Variants in ZGRF1 observed in about 807,000 individuals in gnomAD.
ZGRF1 encodes 5'-3' DNA helicase ZGRF1.
Under a neutral mutation model 203.5 loss-of-function variants are expected in ZGRF1, and 196 were observed. That is an observed-to-expected ratio of 0.96 (90% CI 0.86 to 1.08). The LOEUF (loss-of-function observed/expected upper bound fraction) is 1.08, where lower values mean the gene tolerates loss of function less well. Among genes scored for constraint, ZGRF1 ranks in the 50% least tolerant of loss-of-function variants. ZGRF1 has a pLI of 0.00. For missense variants in ZGRF1, 2,326 were observed against 2,416.3 expected, an observed-to-expected ratio of 0.96 and a Z score of 0.78; for synonymous variants, 809 against 841.3, an observed-to-expected ratio of 0.96 and a Z score of 0.66.
chr4:112,574,043 C>A (rs533910413), intron 16 of ZGRF1, among the ~76,000 whole-genome samples: 1 of 152,242 alleles, frequency 6.6e-6, no homozygotes, highest in African/African-American at 2.4e-5. Context: ...CTGATAGAGC[C>A]ACTTTGGAAA....
intron 18 of ZGRF1, chr4:112,561,305 G>C (rs1248486766): frequency 1.1e-5 from 3 of 278,542 alleles, no homozygotes; most frequent in African/African-American, 6.6e-5. Flanking sequence ...ACAGATACAA[G>C]AATATTGAAT....
At chr4:112,600,064 G>C (rs1396250931) in intron 10 of ZGRF1, among the ~76,000 whole-genome samples, 1 of 151,924 alleles carries the variant, frequency 6.6e-6, no homozygotes, top group Middle Eastern at 3.2e-3. Context: ...TTTGATACAG[G>C]ATCTCACTCT....
At chr4:112,554,393 G>A (rs749960792) in intron 21 of ZGRF1, among the ~76,000 whole-genome samples, 2 of 151,966 alleles carry the variant, frequency 1.3e-5, no homozygotes, top group African/African-American at 2.4e-5. Context: ...TGTTTATTGC[G>A]GCAGTATTCA....
At chr4:112,608,210 G>A (rs912040389) in intron 8 of ZGRF1, among the ~76,000 whole-genome samples, 23 of 152,080 alleles carry the variant, frequency 1.5e-4, no homozygotes, top group Admixed American at 3.3e-4. Flanking sequence ...CACTGCTCCC[G>A]GCTTCAACAG....
chr4:112,592,553 C>T (rs1269167205), intron 10 of ZGRF1, among the ~76,000 whole-genome samples: 1 of 152,170 alleles, frequency 6.6e-6, no homozygotes, highest in Non-Finnish European at 1.5e-5. Context: ...ACATAACTCT[C>T]TCTATCCCAA....
At chr4:112,575,537 G>A (rs1745021355) in intron 16 of ZGRF1, among the ~76,000 whole-genome samples, 1 of 152,200 alleles carries the variant, frequency 6.6e-6, no homozygotes, top group African/African-American at 2.4e-5. Context: ...TCAAAGAAAG[G>A]TGTGACAGAC....
intron 18 of ZGRF1, 26 bp from the exon 19 acceptor site, chr4:112,561,021 A>C: frequency 6.4e-7 from 1 of 1,558,658 alleles, no homozygotes; most frequent in Non-Finnish European, 8.8e-7. Flanking sequence ...CAAATAAACA[A>C]TTTTAAAAAA....
At chr4:112,620,333 TTTA>T (rs143915560) in intron 4 of ZGRF1, 143 bp from the exon 5 acceptor site, 65 of 523,112 alleles carry the variant, frequency 1.2e-4, no homozygotes, top group African/African-American at 1.1e-3. Context: ...TCTTCAATTA[TTTA>T]TTATTATGTA....
intron 6 of ZGRF1, among the ~76,000 whole-genome samples, chr4:112,614,352 T>C (rs1231202143): frequency 6.6e-6 from 1 of 152,248 alleles, no homozygotes; most frequent in East Asian, 1.9e-4. Flanking sequence ...TTTGCTATAC[T>C]TTCATGGTCA....
chr4:112,624,617 T>C (rs2047169711), intron 3 of ZGRF1, among the ~76,000 whole-genome samples: 2 of 152,102 alleles, frequency 1.3e-5, no homozygotes, highest in African/African-American at 4.8e-5. Flanking sequence ...GATAAGATAA[T>C]TATTTATGAG....
chr4:112,593,743 A>T (rs1302091378), intron 10 of ZGRF1, among the ~76,000 whole-genome samples: 1 of 152,132 alleles, frequency 6.6e-6, no homozygotes, highest in African/African-American at 2.4e-5. Context: ...CCAATGCTGG[A>T]GAAGCCCTCC....
At chr4:112,555,198 A>G (rs1232400322) in intron 20 of ZGRF1, among the ~76,000 whole-genome samples, 3 of 152,222 alleles carry the variant, frequency 2.0e-5, no homozygotes, top group Admixed American at 6.5e-5. Context: ...AGATGAGGAC[A>G]CAAGCTCAGA....
rs145611842 is a variant in ZGRF1 at position 112,573,167 on chromosome 4, TACACACAC to T, written c.4438+8488_4438+8495del. Among the ~76,000 whole-genome samples, 25 of 145,610 alleles carry T rather than the reference TACACACAC, an allele frequency of 1.7e-4. No individual in the cohort carries two copies. The East Asian group carries it at 1.8e-3, about 11-fold the overall frequency. On this transcript the variant is annotated intron_variant, in intron 16 of 27. Transcript: ENST00000505019. ...CAACAAGTGGATAAAGAAATTGTGATACACACACACACACACACACACACACACACACA... is the reference window on the plus strand; with the variant it reads ...CAACAAGTGGATAAAGAAATTGTGATACACACACACACACACACACACACA...
Position 112,584,170 on chromosome 4 carries a change from C to G in ZGRF1, c.4106G>C (p.Arg1369Pro). Residue 1369 changes from arginine to proline, a missense_variant, in exon 15 of 28, where the codon CGT becomes CCT. By Grantham distance (103) the Arg-to-Pro change is moderately radical. Coordinates refer to ENST00000505019, the MANE Select transcript of ZGRF1 (RefSeq NM_018392.5). The part of the protein sequence containing the change: ...MVKKEGPNKG[R>P]LFYTCDGPKA... Reference sequence around the variant, plus strand: ...GGGTCCATCACATGTATAAAAGAGACGACCCTAAGGGGAAAGAAAAAAGAT... The same window carrying G: ...GGGTCCATCACATGTATAAAAGAGAGGACCCTAAGGGGAAAGAAAAAAGAT... 1.3e-6 allele frequency: 2 copies of G among 1,577,866 alleles called. No individual in the cohort carries two copies. The highest frequency in any genetic ancestry group is 1.7e-6 in the Non-Finnish European group (2 of 1,166,606).
chr4:112,603,011 CT>C (rs33921637), intron 10 of ZGRF1, among the ~76,000 whole-genome samples: 8,235 of 151,822 alleles, frequency 0.054, 424 homozygotes, highest in East Asian at 0.19. Flanking sequence ...ATGTATTATG[CT>C]TTTTTTTCTT....
chr4:112,632,024 A>G lies in ZGRF1; in HGVS notation c.22-14T>C, dbSNP rs761305692. 5 of 1,333,136 alleles carry G rather than the reference A, an allele frequency of 3.8e-6. No homozygotes were observed. The South Asian group carries it at 7.6e-5, about 20-fold the overall frequency. 82.6% of individuals were successfully genotyped at this position (1,333,136 alleles called of 1,614,324 possible). On this transcript the variant is annotated splice_polypyrimidine_tract_variant and intron_variant, in intron 2 of 27. Coordinates refer to ENST00000505019, the MANE Select transcript of ZGRF1 (RefSeq NM_018392.5). Reference sequence around the variant, plus strand: ...AGTATATAGAACCTTATTTCCAAAAATACAAAAGAAATGGTTTCCATTTAT... The same window carrying G: ...AGTATATAGAACCTTATTTCCAAAAGTACAAAAGAAATGGTTTCCATTTAT...
At chr4:112,595,580 ATGTG>A (rs535521242) in intron 10 of ZGRF1, among the ~76,000 whole-genome samples, 4 of 151,206 alleles carry the variant, frequency 2.6e-5, no homozygotes, top group African/African-American at 9.7e-5. Flanking sequence ...GTGTGTATAT[ATGTG>A]TGTGTGTGTG....
intron 11 of ZGRF1, among the ~76,000 whole-genome samples, chr4:112,588,818 T>C (rs1214367243): frequency 1.3e-5 from 2 of 152,164 alleles, no homozygotes; most frequent in Admixed American, 6.6e-5. Context: ...ATGAATATTC[T>C]TTTATAAAGT....
Position 112,539,402 on chromosome 4 carries a change from A to G in ZGRF1, c.*145T>C. 3 of 489,484 alleles carry G rather than the reference A, an allele frequency of 6.1e-6. No homozygotes were observed. The highest frequency in any genetic ancestry group is 3.4e-5 in the East Asian group (1 of 29,548). The allele number at this position is 489,484 out of a possible 1,614,324, so 30.3% of individuals were successfully genotyped here. ...TACTACCTTTTGTACACTTTTTTGA[A>G]GAACAAAATTTTTACATGTGTTTAC... is the stretch of plus-strand genomic sequence containing the variant. On this transcript the variant is annotated 3_prime_UTR_variant, in exon 28 of 28. Transcript: ENST00000505019.
Sources: allele counts gnomAD v4.1 joint callset (sites outside exome capture counted in the v4.1 genomes callset), GRCh38; gene constraint gnomAD v4.1.1; transcripts MANE v1.5; gene names NCBI Gene and HGNC (gene_info 2026-07-23, HGNC 2026-07-21).